SEMA3A: variants seen among roughly 807,000 people sequenced by gnomAD.
SEMA3A encodes semaphorin-3A.
Under a neutral mutation model 97.9 loss-of-function variants are expected in SEMA3A, and 29 were observed. The observed-to-expected ratio is 0.30, with a 90% CI of 0.22 to 0.40. SEMA3A has a LOEUF of 0.40. Among genes scored for constraint, SEMA3A ranks in the 10% least tolerant of loss-of-function variants. The pLI is 1.00. For missense variants in SEMA3A, 763 were observed against 951.3 expected (o/e 0.80, Z 2.60); for synonymous variants, 321 against 323.7 (o/e 0.99, Z 0.09).
At chr7:84,209,369 G>C (rs979379868) in intron 3 of SEMA3A, among the ~76,000 whole-genome samples, 1 of 152,138 alleles carries the variant, frequency 6.6e-6, no homozygotes, top group African/African-American at 2.4e-5. Flanking sequence ...CAAATGCATA[G>C]ATTATATTAT....
At chr7:84,186,562 AC>A (rs1797893659) in intron 1 of SEMA3A, among the ~76,000 whole-genome samples, 1 of 152,106 alleles carries the variant, frequency 6.6e-6, no homozygotes, top group African/African-American at 2.4e-5. Flanking sequence ...GCTTGATTTG[AC>A]CTCAGGTGTA....
intron 3 of SEMA3A, among the ~76,000 whole-genome samples, chr7:84,205,519 T>C (rs1798470033): frequency 6.6e-6 from 1 of 152,210 alleles, no homozygotes; most frequent in Non-Finnish European, 1.5e-5. Context: ...ATTCATAAGA[T>C]GAATTCTTAC....
Position 83,981,412 on chromosome 7 carries a change from C to T in SEMA3A, c.1561G>A (p.Gly521Arg). The T allele has an allele frequency of 1.2e-6, 2 of 1,613,732 alleles. No individual in the cohort carries two copies. The highest frequency in any genetic ancestry group is 1.7e-6 in the Non-Finnish European group (2 of 1,179,798). The change falls in exon 14 of 17, where the codon GGG becomes AGG. Residue 521 changes from glycine to arginine, a missense_variant. Gly to Arg is a moderately radical substitution (Grantham distance 125). This residue lies in a region of SEMA3A where 678 missense variants were observed against 881.3 expected (regional missense o/e 0.77). Transcript: ENST00000265362. ...QLPLHRCDIYGKACAECCLAR... is the reference protein window; with the variant it reads ...QLPLHRCDIYRKACAECCLAR... The stretch of plus-strand genomic sequence containing the variant: ...AGGCAACACTCAGCACACGCTTTCC[C>T]GTAAATATCACACCGGTGTAAAGGG...
chr7:84,332,502 C>T (rs1018481421), intron 2 of SEMA3A, among the ~76,000 whole-genome samples: 3 of 152,112 alleles, frequency 2.0e-5, no homozygotes, highest in African/African-American at 7.2e-5. Context: ...TATAAGTCTA[C>T]ACTTACAGGA....
chr7:84,267,588 A>G (rs1184407261), intron 3 of SEMA3A, among the ~76,000 whole-genome samples: 1 of 152,102 alleles, frequency 6.6e-6, no homozygotes, highest in Non-Finnish European at 1.5e-5. Context: ...GAAAATATAT[A>G]CAGTTTTATT....
intron 5 of SEMA3A, among the ~76,000 whole-genome samples, chr7:84,052,146 C>T (rs1032674735): frequency 6.6e-6 from 1 of 151,970 alleles, no homozygotes; most frequent in African/African-American, 2.4e-5. Flanking sequence ...CATCAATGTT[C>T]ATCAAGGATA....
chr7:84,455,139 GAT>G (rs553459472), intron 1 of SEMA3A, among the ~76,000 whole-genome samples: 172 of 151,926 alleles, frequency 1.1e-3, no homozygotes, highest in African/African-American at 3.8e-3. Context: ...AAATCTGAAA[GAT>G]AGTTTTTCAA....
chr7:84,187,376 G>A (rs1352065856), intron 1 of SEMA3A, among the ~76,000 whole-genome samples: 1 of 152,088 alleles, frequency 6.6e-6, no homozygotes, highest in African/African-American at 2.4e-5. Context: ...GACCTGATAA[G>A]AGGACAAGGA....
intron 15 of SEMA3A, among the ~76,000 whole-genome samples, chr7:83,973,185 A>T (rs1788988520): frequency 6.6e-6 from 1 of 152,126 alleles, no homozygotes; most frequent in African/African-American, 2.4e-5. Flanking sequence ...TCGGAAAGTA[A>T]ATCTTCATAA....
intron 6 of SEMA3A, among the ~76,000 whole-genome samples, chr7:84,015,223 C>T (rs902717976): frequency 6.6e-6 from 1 of 151,174 alleles, no homozygotes; most frequent in Admixed American, 6.6e-5. Flanking sequence ...CCCCTGCCAC[C>T]CCAGTGAAAT....
At chr7:84,232,697 T>A (rs1799143208) in intron 3 of SEMA3A, among the ~76,000 whole-genome samples, 1 of 151,978 alleles carries the variant, frequency 6.6e-6, no homozygotes, top group South Asian at 2.1e-4. Flanking sequence ...TTCCTTCTAA[T>A]TTTCTTACAA....
At chr7:84,414,248 T>C (rs926024806) in intron 1 of SEMA3A, among the ~76,000 whole-genome samples, 2 of 152,134 alleles carry the variant, frequency 1.3e-5, no homozygotes, top group African/African-American at 4.8e-5. Flanking sequence ...TGCATATATC[T>C]TTTGATCCCA....
chr7:84,248,821 G>C (rs771883608), intron 3 of SEMA3A, among the ~76,000 whole-genome samples: 1 of 147,842 alleles, frequency 6.8e-6, no homozygotes, highest in African/African-American at 2.5e-5. Flanking sequence ...CTACAAAAAC[G>C]TTCCTTAAGA....
At chr7:84,279,550 A>T (rs1469437268) in intron 3 of SEMA3A, among the ~76,000 whole-genome samples, 2 of 152,322 alleles carry the variant, frequency 1.3e-5, no homozygotes, top group African/African-American at 4.8e-5. Context: ...TCAAGTGACC[A>T]TCCTGGATTG....
intron 3 of SEMA3A, among the ~76,000 whole-genome samples, chr7:84,297,629 G>A (rs1800904193): frequency 6.6e-6 from 1 of 152,034 alleles, no homozygotes; most frequent in South Asian, 2.1e-4. Context: ...TTAATACCCT[G>A]CTGCTCTATA....
intron 5 of SEMA3A, among the ~76,000 whole-genome samples, chr7:84,053,947 T>G (rs1398096916): frequency 5.4e-5 from 8 of 148,202 alleles, no homozygotes; most frequent in African/African-American, 7.4e-5. Context: ...GTCTGTAAAG[T>G]ATTTTATTTC....
chr7:84,487,004 A>T (rs1176829157), intron 1 of SEMA3A, among the ~76,000 whole-genome samples: 1 of 152,170 alleles, frequency 6.6e-6, no homozygotes, highest in East Asian at 1.9e-4. Flanking sequence ...GTAATAAAAC[A>T]AAAGTGAAGT....
chr7:84,175,792 T>C (rs1797544111), intron 1 of SEMA3A, among the ~76,000 whole-genome samples: 1 of 152,090 alleles, frequency 6.6e-6, no homozygotes, highest in African/African-American at 2.4e-5. Flanking sequence ...AACTGATAAA[T>C]AGTACATCAG....
intron 4 of SEMA3A, among the ~76,000 whole-genome samples, chr7:84,072,659 T>C (rs1356944907): frequency 6.6e-6 from 1 of 151,612 alleles, no homozygotes; most frequent in African/African-American, 2.4e-5. Flanking sequence ...AAGGTTTATA[T>C]AGGTATTTGG....
Sources: allele counts gnomAD v4.1 joint callset (sites outside exome capture counted in the v4.1 genomes callset), GRCh38; gene constraint gnomAD v4.1.1; regional missense constraint gnomAD v4.1.1; transcripts MANE v1.5; gene names NCBI Gene and HGNC (gene_info 2026-07-23, HGNC 2026-07-21).